LRRC4C: variants seen among roughly 807,000 people sequenced by gnomAD.
LRRC4C encodes leucine rich repeat containing 4C.
A neutral mutation model predicts 33.6 loss-of-function variants in LRRC4C; 5 were observed. The observed-to-expected ratio is 0.15, with a 90% CI of 0.08 to 0.31. LRRC4C has a LOEUF of 0.31. LRRC4C is among the 10% of genes least tolerant of loss of function. LRRC4C has a pLI of 1.00. For synonymous variants in LRRC4C, 329 were observed against 302.0 expected, an observed-to-expected ratio of 1.09 and a Z score of -0.93; for missense variants, 560 against 796.7, an observed-to-expected ratio of 0.70 and a Z score of 3.58.
In LRRC4C at chr11:41,247,542, A is replaced by G. The variant is rs1050954318; in HGVS notation, c.-496+211889T>C. ...GTACTAAAAAATAAGTGGTTCTAAG[A>G]CTGCTGTGGCTGTTAGTACTTAAAT... On this transcript the variant is annotated intron_variant, in intron 1 of 6. Transcript: ENST00000528697. Among the ~76,000 whole-genome samples the G allele has an allele frequency of 9.2e-5, 14 of 152,320 alleles. No individual in the cohort carries two copies. In the East Asian group the frequency reaches 2.5e-3, roughly 27 times the overall value.
At chr11:41,219,474 A>G (rs566454893) in intron 1 of LRRC4C, among the ~76,000 whole-genome samples, 2 of 152,364 alleles carry the variant, frequency 1.3e-5, no homozygotes, top group South Asian at 4.1e-4. Context: ...ACTAAAACTG[A>G]AGAAATCTTC....
chr11:40,510,967 C>T (rs1955286907), intron 3 of LRRC4C, among the ~76,000 whole-genome samples: 1 of 152,168 alleles, frequency 6.6e-6, no homozygotes, highest in African/African-American at 2.4e-5. Context: ...GACACAGGCA[C>T]TCCCAGGAAA....
chr11:40,572,982 T>A (rs1958043909), intron 3 of LRRC4C, among the ~76,000 whole-genome samples: 1 of 152,224 alleles, frequency 6.6e-6, no homozygotes. Flanking sequence ...CAACCATATA[T>A]GCACTAAAAT....
chr11:40,139,536 A>C (rs201084912), intron 6 of LRRC4C, among the ~76,000 whole-genome samples: 1 of 152,238 alleles, frequency 6.6e-6, no homozygotes, highest in East Asian at 1.9e-4. Context: ...TTCACACATT[A>C]TTTCCTTCAG....
chr11:40,142,893 G>A (rs929457565), intron 5 of LRRC4C, among the ~76,000 whole-genome samples: 3 of 152,100 alleles, frequency 2.0e-5, no homozygotes, highest in Non-Finnish European at 4.4e-5. Context: ...CCTGTCTACA[G>A]TCAAACTCTT....
At chr11:40,627,258 AGAGAGAGAGAGAGAGAGC>A (rs1399893393) in intron 3 of LRRC4C, among the ~76,000 whole-genome samples, 1 of 49,580 alleles carries the variant, frequency 2.0e-5, no homozygotes, top group Non-Finnish European at 4.9e-5. Flanking sequence ...CCCATTAGAG[AGAGAGAGAGAGAGAGAGC>A]GAGAGAGAGA....
chr11:40,447,526 T>G (rs561358010), intron 3 of LRRC4C, among the ~76,000 whole-genome samples: 1 of 152,218 alleles, frequency 6.6e-6, no homozygotes, highest in Non-Finnish European at 1.5e-5. Context: ...AGGGGTCTTT[T>G]TTTGTTTGTA....
At chr11:40,294,619 G>C (rs1184841650) in intron 4 of LRRC4C, among the ~76,000 whole-genome samples, 1 of 151,994 alleles carries the variant, frequency 6.6e-6, no homozygotes, top group Non-Finnish European at 1.5e-5. Context: ...ATGAGGTCAG[G>C]AGATCGAGAC....
chr11:41,225,221 G>A (rs916612584), intron 1 of LRRC4C, among the ~76,000 whole-genome samples: 1 of 152,000 alleles, frequency 6.6e-6, no homozygotes, highest in Non-Finnish European at 1.5e-5. Flanking sequence ...ATATGGCCTA[G>A]TATTTGATAG....
At chr11:41,043,904 A>G (rs1186004372) in intron 1 of LRRC4C, among the ~76,000 whole-genome samples, 1 of 152,058 alleles carries the variant, frequency 6.6e-6, no homozygotes, top group Non-Finnish European at 1.5e-5. Flanking sequence ...AGAATGATGG[A>G]TAAGGTATTA....
chr11:41,043,956 A>G (rs1380056911), intron 1 of LRRC4C, among the ~76,000 whole-genome samples: 2 of 152,060 alleles, frequency 1.3e-5, no homozygotes, highest in African/African-American at 4.8e-5. Flanking sequence ...AGAGAGGTAA[A>G]GTGGCTTTCC....
intron 1 of LRRC4C, among the ~76,000 whole-genome samples, chr11:41,397,391 C>T (rs943626975): frequency 1.3e-5 from 2 of 151,938 alleles, no homozygotes; most frequent in Non-Finnish European, 2.9e-5. Flanking sequence ...TGATGATCCA[C>T]TTCCATTTAA....
Position 40,957,784 on chromosome 11 carries a change from G to A in LRRC4C, c.-495-24061C>T, listed in dbSNP as rs998308770. On this transcript the variant is annotated intron_variant, in intron 1 of 6. Coordinates refer to ENST00000528697, the MANE Select transcript of LRRC4C (RefSeq NM_001258419.2). Reference sequence around the variant, plus strand: ...ATGCAAATCTACTGGGGGATGAGGGGTTTCCAATGCAGATTTCTGCCAATT... The same window carrying A: ...ATGCAAATCTACTGGGGGATGAGGGATTTCCAATGCAGATTTCTGCCAATT... Among the ~76,000 whole-genome samples, 6 of 151,670 alleles carry A rather than the reference G, an allele frequency of 4.0e-5. 1 individual carries two copies. The South Asian group carries it at 1.0e-3, about 26-fold the overall frequency.
chr11:41,308,459 A>G (rs1014765477), intron 1 of LRRC4C, among the ~76,000 whole-genome samples: 8 of 152,112 alleles, frequency 5.3e-5, no homozygotes, highest in Non-Finnish European at 1.0e-4. Flanking sequence ...GTCCACCGCC[A>G]AGGTGTTTTT....
intron 3 of LRRC4C, among the ~76,000 whole-genome samples, chr11:40,326,557 A>G (rs1290442211): frequency 1.3e-5 from 2 of 151,866 alleles, no homozygotes; most frequent in Middle Eastern, 3.2e-3. Flanking sequence ...CAAAAGAAAA[A>G]AAAAAAAAAA....
chr11:41,397,461 C>T (rs1272767840), intron 1 of LRRC4C, among the ~76,000 whole-genome samples: 1 of 151,646 alleles, frequency 6.6e-6, no homozygotes, highest in Non-Finnish European at 1.5e-5. Flanking sequence ...TTCCAGCTTA[C>T]TTTATTATAA....
intron 1 of LRRC4C, among the ~76,000 whole-genome samples, chr11:41,008,368 G>A (rs921178652): frequency 1.3e-5 from 2 of 152,130 alleles, no homozygotes; most frequent in Admixed American, 1.3e-4. Context: ...TGACTTTAAC[G>A]CCTACCACTC....
rs113934211 is a variant in LRRC4C, at chr11:41,339,609, G to C, written c.-496+119822C>G. Among the ~76,000 whole-genome samples the C allele has an allele frequency of 2.5e-3, 375 of 152,258 alleles. 2 individuals are homozygous for C. The highest frequency in any genetic ancestry group is 9.3e-3 in the Admixed American group (143 of 15,296). On this transcript the variant is annotated intron_variant, in intron 1 of 6. Coordinates refer to ENST00000528697, the MANE Select transcript of LRRC4C (RefSeq NM_001258419.2). ...TTTAATTTCCATGGGAACAGGGGGT[G>C]AGACGGAGATCTTAAAATGCTACCA... is the stretch of plus-strand genomic sequence containing the variant.
chr11:40,600,142 G>T (rs1959833246), intron 3 of LRRC4C, among the ~76,000 whole-genome samples: 2 of 152,120 alleles, frequency 1.3e-5, no homozygotes, highest in African/African-American at 4.8e-5. Context: ...GGAAGTTCAG[G>T]GTGACTAGAG....
Sources: allele counts gnomAD v4.1 joint callset (sites outside exome capture counted in the v4.1 genomes callset), GRCh38; gene constraint gnomAD v4.1.1; transcripts MANE v1.5; gene names NCBI Gene and HGNC (gene_info 2026-07-23, HGNC 2026-07-21).